Variants in ZNF730 observed in about 807,000 individuals in gnomAD.
The protein encoded by ZNF730 is putative zinc finger protein 730.
A neutral mutation model predicts 12.6 loss-of-function variants in ZNF730; 12 were observed. The observed-to-expected ratio is 0.95, with a 90% CI of 0.61 to 1.54. The LOEUF is 1.54. Ranked by LOEUF, ZNF730 falls within the 40% of genes most tolerant of loss-of-function variation. ZNF730 has a pLI of 0.00. For synonymous variants in ZNF730, 194 were observed against 195.8 expected (o/e 0.99, Z 0.08); for missense variants, 643 against 583.5 (o/e 1.10, Z -1.05).
At chr19:23,127,720 A>T (rs939163461) in intron 1 of ZNF730, 3 of 1,215,262 alleles carry the variant, frequency 2.5e-6, no homozygotes, top group Non-Finnish European at 3.7e-6. Flanking sequence ...CACTTTGAAG[A>T]TCTACATTTA....
chr19:23,094,272 A>T (rs1414327634), intron 1 of ZNF730, among the ~76,000 whole-genome samples: 2 of 136,292 alleles, frequency 1.5e-5, no homozygotes, highest in African/African-American at 2.8e-5. Flanking sequence ...CTGTTATTTT[A>T]GATTTTTTCT....
intron 3 of ZNF730, among the ~76,000 whole-genome samples, chr19:23,142,526 A>G (rs1310615225): frequency 6.6e-6 from 1 of 151,810 alleles, no homozygotes; most frequent in African/African-American, 2.4e-5. Context: ...TACTAAAAAT[A>G]CAAAAACAAA....
intron 2 of ZNF730, among the ~76,000 whole-genome samples, chr19:23,135,511 A>T (rs1206092554): frequency 2.6e-5 from 4 of 151,528 alleles, no homozygotes; most frequent in Non-Finnish European, 5.9e-5. Context: ...TCTTTTCTTT[A>T]TTTTTTTTAT....
intron 1 of ZNF730, among the ~76,000 whole-genome samples, chr19:23,076,959 CAATAA>C (rs1969872493): frequency 6.6e-6 from 1 of 151,960 alleles, no homozygotes; most frequent in South Asian, 2.1e-4. Context: ...ATGATAGACT[CAATAA>C]AGAAAATGTG....
rs866433037 is a variant in ZNF730, at chr19:23,127,593, G to A, written c.4-6487G>A. On this transcript the variant is annotated intron_variant, in intron 1 of 3. Transcript: ENST00000597761. Reference sequence around the variant, plus strand: ...AGCCAGATAAATTGCTCATGTTGCTGAACAACAGAAAACTCATTTTGTTTA... The same window carrying A: ...AGCCAGATAAATTGCTCATGTTGCTAAACAACAGAAAACTCATTTTGTTTA... 3.1e-5 allele frequency: 30 copies of A among 957,106 alleles called. No homozygotes were observed. The African/African-American group carries it at 3.7e-4, about 12-fold the overall frequency. 59.3% of individuals were successfully genotyped at this position (957,106 alleles called of 1,614,324 possible). A position where few individuals can be genotyped will look rare whatever the true frequency, so the allele number is the denominator to read the frequency against.
chr19:23,107,448 C>CAAA (rs1206631075), intron 1 of ZNF730, among the ~76,000 whole-genome samples: 6 of 4,944 alleles, frequency 1.2e-3, no homozygotes, highest in Non-Finnish European at 1.6e-3. Context: ...AAAAAAAATA[C>CAAA]CAAAAAAAAA....
At chr19:23,113,413 A>G (rs1379954803), upstream of ZNF730, among the ~76,000 whole-genome samples, 1 of 152,260 alleles carries the variant, frequency 6.6e-6, no homozygotes, top group Non-Finnish European at 1.5e-5. Flanking sequence ...AACTGGAATG[A>G]CAGAAACTCA....
At chr19:23,099,790 A>T (rs992208681) in intron 1 of ZNF730, among the ~76,000 whole-genome samples, 2 of 152,128 alleles carry the variant, frequency 1.3e-5, no homozygotes, top group Non-Finnish European at 2.9e-5. Flanking sequence ...TGTGATTGTG[A>T]CATGTGCCTC....
intron 3 of ZNF730, among the ~76,000 whole-genome samples, chr19:23,138,873 A>T (rs1407786911): frequency 1.3e-5 from 2 of 151,872 alleles, no homozygotes; most frequent in African/African-American, 2.4e-5. Flanking sequence ...TTTCTCTCAT[A>T]AAGGCATTTT....
intron 1 of ZNF730, among the ~76,000 whole-genome samples, chr19:23,129,062 C>T (rs1970709191): frequency 1.3e-5 from 2 of 152,210 alleles, no homozygotes; most frequent in Non-Finnish European, 2.9e-5. Context: ...TGAGGTTTGG[C>T]ACCCTCCACC....
At chr19:23,124,478 C>T (rs1389635730) in intron 1 of ZNF730, among the ~76,000 whole-genome samples, 1 of 152,196 alleles carries the variant, frequency 6.6e-6, no homozygotes, top group African/African-American at 2.4e-5. Flanking sequence ...AGAGCAGTTC[C>T]ATTTTTTATT....
upstream of ZNF730, among the ~76,000 whole-genome samples, chr19:23,114,300 C>CTTTTTTTTTTTTT (rs11413226): frequency 6.4e-4 from 76 of 119,522 alleles, 9 homozygotes; most frequent in Middle Eastern, 4.4e-3. Flanking sequence ...TTTTCTTTTT[C>CTTTTTTTTTTTTT]TTTTCTTTTT....
chr19:23,120,387 T>C (rs146400833), intron 1 of ZNF730, among the ~76,000 whole-genome samples: 203 of 152,250 alleles, frequency 1.3e-3, no homozygotes, highest in African/African-American at 4.7e-3. Context: ...TTTTGTTGTT[T>C]TTGTTCAGTT....
chr19:23,137,358 G>T (rs1970849674), intron 3 of ZNF730, among the ~76,000 whole-genome samples: 1 of 151,804 alleles, frequency 6.6e-6, no homozygotes. Flanking sequence ...TGTAAATAAG[G>T]TTACTTTCTT....
chr19:23,147,055 T>A lies in ZNF730; in HGVS notation c.*499T>A, dbSNP rs1568320224. ...TCATACTGGAGAAAACTTCTACAAGTGTAAACAAAGTGGCAAAACTTTTAA... is the reference window on the plus strand; with the variant it reads ...TCATACTGGAGAAAACTTCTACAAGAGTAAACAAAGTGGCAAAACTTTTAA... On this transcript the variant is annotated 3_prime_UTR_variant, in exon 4 of 4. Coordinates refer to ENST00000597761, the MANE Select transcript of ZNF730 (RefSeq NM_001277403.2). 3.8e-6 allele frequency: 1 copy of A among 263,530 alleles called. No individual in the cohort carries two copies. The highest frequency in any genetic ancestry group is 7.4e-6 in the Non-Finnish European group (1 of 135,926). 16.3% of individuals were successfully genotyped at this position (263,530 alleles called of 1,614,324 possible). A position where few individuals can be genotyped will look rare whatever the true frequency, so the allele number is the denominator to read the frequency against.
At chr19:23,116,055 C>T (rs527722952), upstream of ZNF730, among the ~76,000 whole-genome samples, 10 of 152,320 alleles carry the variant, frequency 6.6e-5, 1 homozygote, top group South Asian at 1.9e-3. Flanking sequence ...GTGATTGGTC[C>T]TTAGTCCCCG....
intron 1 of ZNF730, among the ~76,000 whole-genome samples, chr19:23,091,017 A>G (rs1322791875): frequency 6.6e-6 from 1 of 151,930 alleles, no homozygotes; most frequent in Non-Finnish European, 1.5e-5. Flanking sequence ...AAAAAAAAGA[A>G]AAAGAAAAAG....
At chr19:23,131,971 T>C (rs936439666) in intron 1 of ZNF730, among the ~76,000 whole-genome samples, 1 of 151,612 alleles carries the variant, frequency 6.6e-6, no homozygotes, top group Non-Finnish European at 1.5e-5. Context: ...TCCCAGAACC[T>C]GTTCTGTTTG....
upstream of ZNF730, among the ~76,000 whole-genome samples, chr19:23,115,872 A>G (rs1425853156): frequency 6.6e-6 from 1 of 152,258 alleles, no homozygotes; most frequent in African/African-American, 2.4e-5. Flanking sequence ...GCAATAGCTA[A>G]CTAATACATG....
Sources: allele counts gnomAD v4.1 joint callset (sites outside exome capture counted in the v4.1 genomes callset), GRCh38; gene constraint gnomAD v4.1.1; transcripts MANE v1.5; gene names NCBI Gene and HGNC (gene_info 2026-07-23, HGNC 2026-07-21).